The following AFF1 variants were observed in gnomAD, a reference collection of about 807,000 sequenced individuals.
AFF1 encodes the protein AF4/FMR2 family member 1.
In AFF1, 48 loss-of-function variants were observed where a neutral mutation model predicts 121.7. The observed-to-expected ratio is 0.39, with a 90% CI of 0.31 to 0.50. The LOEUF is 0.50. AFF1 is among the 20% of genes least tolerant of loss of function. The pLI, the probability that AFF1 is intolerant of heterozygous loss-of-function variation, is 0.76. For synonymous variants in AFF1, 613 were observed against 563.0 expected, an observed-to-expected ratio of 1.09 and a Z score of -1.26; for missense variants, 1,523 against 1,511.7, an observed-to-expected ratio of 1.01 and a Z score of -0.12.
intron 6 of AFF1, 30 bp from the exon 7 acceptor site, chr4:87,091,763 A>C (rs1724338021): frequency 1.4e-6 from 2 of 1,408,468 alleles, no homozygotes; most frequent in Non-Finnish European, 1.9e-6. Context: ...TTAATCTTTT[A>C]ATAATTAGAT....
chr4:86,951,783 A>G (rs1194601293), intron 2 of AFF1, among the ~76,000 whole-genome samples: 2 of 151,564 alleles, frequency 1.3e-5, no homozygotes, highest in African/African-American at 2.4e-5. Context: ...TGCCCAGCTA[A>G]TTTTTGTATT....
intron 2 of AFF1, among the ~76,000 whole-genome samples, chr4:86,960,605 A>G (rs1722081049): frequency 6.6e-6 from 1 of 152,238 alleles, no homozygotes; most frequent in Non-Finnish European, 1.5e-5. Flanking sequence ...CGTTTAACCA[A>G]AACTAAAGTA....
chr4:87,119,310 G>A (rs1029486949), intron 12 of AFF1, among the ~76,000 whole-genome samples: 1 of 152,142 alleles, frequency 6.6e-6, no homozygotes, highest in Non-Finnish European at 1.5e-5. Context: ...TGGGCACAGT[G>A]GCTCACACTT....
chr4:87,010,304 A>G (rs1578052951), intron 2 of AFF1, among the ~76,000 whole-genome samples: 1 of 152,224 alleles, frequency 6.6e-6, no homozygotes, highest in African/African-American at 2.4e-5. Flanking sequence ...CATATTTTGA[A>G]AACAATAAGT....
intron 2 of AFF1, among the ~76,000 whole-genome samples, chr4:87,039,629 T>A (rs1020934636): frequency 6.6e-6 from 1 of 152,218 alleles, no homozygotes; most frequent in African/African-American, 2.4e-5. Context: ...CTAGTTCACT[T>A]AACTAAAATA....
intron 4 of AFF1, among the ~76,000 whole-genome samples, chr4:87,076,898 T>C (rs1722726464): frequency 6.6e-6 from 1 of 152,238 alleles, no homozygotes; most frequent in Non-Finnish European, 1.5e-5. Context: ...ATTTATGTAA[T>C]TTACTCTGTG....
intron 4 of AFF1, among the ~76,000 whole-genome samples, chr4:87,082,266 A>G (rs1000772150): frequency 6.6e-6 from 1 of 152,188 alleles, no homozygotes; most frequent in Admixed American, 6.5e-5. Context: ...GAATAGTATT[A>G]CATTTACCCT....
chr4:87,071,382 G>A (rs1463594545), intron 4 of AFF1, among the ~76,000 whole-genome samples: 5 of 152,116 alleles, frequency 3.3e-5, no homozygotes, highest in African/African-American at 7.2e-5. Flanking sequence ...TTTCAGGCTC[G>A]TTTACTGTGG....
chr4:87,068,323 A>G lies in AFF1; in HGVS notation c.1060-15797A>G, dbSNP rs17012346. ...TCTTACTAATGATATGCATTTACACATAATGCCTTGTGATAGAATTAATTC... is the reference window on the plus strand; with the variant it reads ...TCTTACTAATGATATGCATTTACACGTAATGCCTTGTGATAGAATTAATTC... On this transcript the variant is annotated intron_variant, in intron 4 of 20. Transcript: ENST00000395146. 9.3e-3 allele frequency among the ~76,000 whole-genome samples: 1,350 copies of G among 145,818 alleles called. 18 individuals are homozygous for G. The highest frequency in any genetic ancestry group is 0.032 in the African/African-American group (1,260 of 39,782).
intron 2 of AFF1, among the ~76,000 whole-genome samples, chr4:86,970,635 A>T (rs28522052): frequency 0.21 from 31,850 of 152,084 alleles, 3,398 homozygotes; most frequent in Middle Eastern, 0.24. Context: ...GAATCATATC[A>T]GGGTTATAAA....
At chr4:86,967,474 T>C (rs1335134870) in intron 2 of AFF1, among the ~76,000 whole-genome samples, 1 of 152,198 alleles carries the variant, frequency 6.6e-6, no homozygotes, top group Non-Finnish European at 1.5e-5. Flanking sequence ...GCCATCAAAC[T>C]ATTTTAAATA....
At chr4:87,064,894 C>T (rs1226541363) in intron 4 of AFF1, among the ~76,000 whole-genome samples, 1 of 120,864 alleles carries the variant, frequency 8.3e-6, no homozygotes, top group Non-Finnish European at 1.8e-5. Flanking sequence ...AAAAAAAAAG[C>T]CGGGTGTTGT....
chr4:86,947,808 G>A (rs984988744), intron 1 of AFF1, among the ~76,000 whole-genome samples: 3 of 86,564 alleles, frequency 3.5e-5, no homozygotes, highest in African/African-American at 1.1e-4. Flanking sequence ...GTTTTATTTC[G>A]GTTTTTGTTT....
chr4:87,029,412 G>A (rs1352508652), intron 2 of AFF1, among the ~76,000 whole-genome samples: 1 of 152,204 alleles, frequency 6.6e-6, no homozygotes, highest in Non-Finnish European at 1.5e-5. Flanking sequence ...CAGCCTGACA[G>A]ATGTCTTTTT....
At chr4:87,072,395 A>G (rs1308490612) in intron 4 of AFF1, among the ~76,000 whole-genome samples, 2 of 151,758 alleles carry the variant, frequency 1.3e-5, no homozygotes, top group Admixed American at 1.3e-4. Context: ...TAAATTCAGA[A>G]GGCATTAAGA....
At chr4:87,013,344 T>A (rs933181353) in intron 2 of AFF1, among the ~76,000 whole-genome samples, 3 of 152,146 alleles carry the variant, frequency 2.0e-5, no homozygotes, top group African/African-American at 7.2e-5. Flanking sequence ...CCGGCTGAAC[T>A]GCTATCAAGT....
Position 87,046,894 on chromosome 4 carries a change from A to C in AFF1, c.359A>C (p.His120Pro). 11 of 1,614,160 alleles carry C rather than the reference A, an allele frequency of 6.8e-6. No individual in the cohort carries two copies. Among genetic ancestry groups the C allele is most frequent in the Non-Finnish European group, 9.3e-6 (11 of 1,180,016 alleles). The change falls in exon 4 of 21, where the codon CAC becomes CCC. Residue 120 changes from histidine (H) to proline (P), a missense_variant. His to Pro is a moderately conservative substitution (Grantham distance 77, BLOSUM62 -2). Coordinates refer to ENST00000395146, the MANE Select transcript of AFF1 (RefSeq NM_001166693.3). ...AGCTCCTTCCACACTAGTGTCCACC[A>C]CCAGTCCATTCACACTCCTGCGTCT... ...PSSSFHTSVH[H>P]QSIHTPASGP...
At chr4:87,010,772 T>C (rs2149535829) in intron 2 of AFF1, among the ~76,000 whole-genome samples, 1 of 152,248 alleles carries the variant, frequency 6.6e-6, no homozygotes, top group South Asian at 2.1e-4. Flanking sequence ...CTTCAAATAC[T>C]ATCAGGGATT....
Position 87,131,825 on chromosome 4 carries a change from C to G in AFF1, c.3134C>G (p.Ala1045Gly), listed in dbSNP as rs557039149. 10 of 1,595,120 alleles carry G rather than the reference C, an allele frequency of 6.3e-6. No homozygotes were observed. In the African/African-American group the frequency reaches 1.4e-4, roughly 22 times the overall value. The change falls in exon 18 of 21, where the codon GCC becomes GGC. Residue 1045 changes from alanine to glycine, a missense_variant. This residue lies in a region of AFF1 where 241 missense variants were observed against 265.2 expected (regional missense o/e 0.91). Transcript: ENST00000395146. The part of the protein sequence containing the change: ...FIMSLKSFSD[A>G]TAPTQEKIFA... ...ATGTCATTAAAATCCTTCTCAGATG[C>G]CACAGCGCCAACACAAGAGAAAATA...
Sources: allele counts gnomAD v4.1 joint callset (sites outside exome capture counted in the v4.1 genomes callset), GRCh38; gene constraint gnomAD v4.1.1; regional missense constraint gnomAD v4.1.1; transcripts MANE v1.5; gene names NCBI Gene and HGNC (gene_info 2026-07-23, HGNC 2026-07-21).